Variants in GPC6 observed in about 807,000 individuals in gnomAD.
GPC6 encodes the protein glypican 6.
GPC6 carries 14 observed loss-of-function variants against 55.2 expected under a neutral mutation model. The observed-to-expected ratio is 0.25, with a 90% CI of 0.17 to 0.40. The LOEUF (loss-of-function observed/expected upper bound fraction) is 0.40. Ranked by LOEUF, GPC6 falls within the 10% of genes least tolerant of loss-of-function variation. The probability of loss-of-function intolerance (pLI) is 1.00; values close to 1 mark genes in which losing one functional copy is unlikely to be tolerated. For missense variants in GPC6, 641 were observed against 708.5 expected (o/e 0.90, Z 1.08); for synonymous variants, 278 against 259.6 (o/e 1.07, Z -0.68).
At chr13:93,632,617 G>GTATATATA (rs201000882) in intron 2 of GPC6, among the ~76,000 whole-genome samples, 9 of 51,776 alleles carry the variant, frequency 1.7e-4, no homozygotes, top group African/African-American at 3.7e-4. Flanking sequence ...GTATATATAT[G>GTATATATA]TATATATATA....
intron 3 of GPC6, among the ~76,000 whole-genome samples, chr13:93,995,843 C>A (rs1245491173): frequency 6.6e-6 from 1 of 152,080 alleles, no homozygotes; most frequent in African/African-American, 2.4e-5. Flanking sequence ...CATAATTCTA[C>A]CCTAACAGAA....
At chr13:93,487,337 C>T (rs1022279183) in intron 1 of GPC6, among the ~76,000 whole-genome samples, 2 of 152,068 alleles carry the variant, frequency 1.3e-5, no homozygotes, top group Non-Finnish European at 1.5e-5. Context: ...GGTACTAAGC[C>T]TAGTTATTTT....
chr13:93,762,341 GTGTATTTCCTGA>G, intron 2 of GPC6, among the ~76,000 whole-genome samples: 1 of 152,214 alleles, frequency 6.6e-6, no homozygotes, highest in Non-Finnish European at 1.5e-5. Flanking sequence ...TTCGTTGATA[GTGTATTTCCTGA>G]TGTCTGCTAT....
chr13:93,545,473 G>T, intron 2 of GPC6, 52 bp downstream of exon 2: 2 of 1,416,560 alleles, frequency 1.4e-6, no homozygotes, highest in Non-Finnish European at 2.0e-6. Context: ...TTTTCTATGA[G>T]AATCTTGGTA....
At chr13:94,149,945 G>A (rs769221056) in intron 4 of GPC6, among the ~76,000 whole-genome samples, 3 of 151,810 alleles carry the variant, frequency 2.0e-5, no homozygotes, top group Non-Finnish European at 2.9e-5. Context: ...TTCTGGTGTC[G>A]CATCACTCAG....
chr13:93,553,263 A>T (rs754633444), intron 2 of GPC6, among the ~76,000 whole-genome samples: 129 of 152,288 alleles, frequency 8.5e-4, no homozygotes, highest in Non-Finnish European at 1.6e-3. Context: ...TCCAAAACAA[A>T]TAAGATAGTA....
chr13:93,387,483 T>G (rs748023061), intron 1 of GPC6, among the ~76,000 whole-genome samples: 1 of 152,210 alleles, frequency 6.6e-6, no homozygotes, highest in Admixed American at 6.5e-5. Context: ...ACTTCATCCA[T>G]GTCCCTGCAA....
chr13:94,215,674 C>G (rs1050769584), intron 4 of GPC6, among the ~76,000 whole-genome samples: 2 of 152,050 alleles, frequency 1.3e-5, no homozygotes, highest in East Asian at 3.9e-4. Context: ...CAAAACTAAC[C>G]ACCAATTTAT....
intron 3 of GPC6, among the ~76,000 whole-genome samples, chr13:93,982,241 TTTA>T (rs1183661017): frequency 2.0e-5 from 3 of 152,174 alleles, no homozygotes; most frequent in Non-Finnish European, 4.4e-5. Flanking sequence ...AAAACAAATA[TTTA>T]TTGTTAGTCA....
chr13:94,252,242 A>T (rs1051117589), intron 4 of GPC6, among the ~76,000 whole-genome samples: 6 of 152,148 alleles, frequency 3.9e-5, no homozygotes, highest in African/African-American at 1.2e-4. Flanking sequence ...TGTTCATCAT[A>T]CTGCTTTTGT....
intron 4 of GPC6, among the ~76,000 whole-genome samples, chr13:94,211,365 CTT>C (rs1052412286): frequency 6.6e-6 from 1 of 152,116 alleles, no homozygotes; most frequent in African/African-American, 2.4e-5. Flanking sequence ...GTATCAGGAA[CTT>C]TTCAACTTTG....
chr13:93,583,809 T>C (rs1157584870), intron 2 of GPC6, among the ~76,000 whole-genome samples: 2 of 152,198 alleles, frequency 1.3e-5, no homozygotes, highest in African/African-American at 4.8e-5. Flanking sequence ...TTCATGTGCC[T>C]TGTCAAGTAG....
intron 1 of GPC6, among the ~76,000 whole-genome samples, chr13:93,408,070 T>C (rs1378605145): frequency 6.6e-6 from 1 of 152,202 alleles, no homozygotes; most frequent in East Asian, 1.9e-4. Flanking sequence ...TAAAAAAATC[T>C]ATTTTCCTCC....
chr13:94,377,451 AT>A (rs1192022638), intron 6 of GPC6, among the ~76,000 whole-genome samples: 1 of 147,094 alleles, frequency 6.8e-6, no homozygotes, highest in Non-Finnish European at 1.5e-5. Flanking sequence ...AAAAATGCTC[AT>A]CATCACTGGC....
chr13:93,961,261 G>A lies in GPC6; in HGVS notation c.712-66468G>A, dbSNP rs148387534. Among the ~76,000 whole-genome samples the A allele has an allele frequency of 4.1e-3, 626 of 152,264 alleles. 8 individuals are homozygous for A. The highest frequency in any genetic ancestry group is 0.014 in the African/African-American group (595 of 41,556). ...AATGAGAACCTATAAATAATCTCTT[G>A]AGTCTTAACTGGCTGGCCAAACAAT... On this transcript the variant is annotated intron_variant, in intron 3 of 8. Transcript: ENST00000377047.
chr13:93,733,853 G>T (rs1883908641), intron 2 of GPC6, among the ~76,000 whole-genome samples: 1 of 152,166 alleles, frequency 6.6e-6, no homozygotes, highest in Non-Finnish European at 1.5e-5. Flanking sequence ...GAAGAGGCAG[G>T]TTCACTGTGC....
chr13:93,343,346 T>C (rs1880325069), intron 1 of GPC6, among the ~76,000 whole-genome samples: 1 of 152,174 alleles, frequency 6.6e-6, no homozygotes, highest in Non-Finnish European at 1.5e-5. Context: ...GAGGGTCCCA[T>C]CTGTTCAGCT....
chr13:93,579,768 TC>T lies in GPC6; in HGVS notation c.319+34348del, dbSNP rs1457796862. Among the ~76,000 whole-genome samples, 5 of 152,258 alleles carry T rather than the reference TC, an allele frequency of 3.3e-5. No homozygotes were observed. The East Asian group carries it at 9.7e-4, about 29-fold the overall frequency. On this transcript the variant is annotated intron_variant, in intron 2 of 8. Coordinates refer to ENST00000377047, the MANE Select transcript of GPC6 (RefSeq NM_005708.5). ...TTTAGGACTCATAAGACGAGATATG[TC>T]ATGATTAGCATGGTGACTCACAAAG...
intron 2 of GPC6, among the ~76,000 whole-genome samples, chr13:93,680,545 T>C (rs1881809259): frequency 6.6e-6 from 1 of 152,124 alleles, no homozygotes; most frequent in African/African-American, 2.4e-5. Flanking sequence ...ATAGCAGATG[T>C]GACTGAAATG....
Sources: allele counts gnomAD v4.1 joint callset (sites outside exome capture counted in the v4.1 genomes callset), GRCh38; gene constraint gnomAD v4.1.1; transcripts MANE v1.5; gene names NCBI Gene and HGNC (gene_info 2026-07-23, HGNC 2026-07-21).